PIWIL2: variants seen among roughly 807,000 people sequenced by gnomAD.
The protein encoded by PIWIL2 is piwi like RNA-mediated gene silencing 2.
A neutral mutation model predicts 116.5 loss-of-function variants in PIWIL2; 81 were observed. That is an observed-to-expected ratio of 0.70 (90% CI 0.58 to 0.84). The LOEUF (loss-of-function observed/expected upper bound fraction) is 0.84, where lower values mean the gene tolerates loss of function less well. Ranked by LOEUF, PIWIL2 falls within the 40% of genes least tolerant of loss-of-function variation. The pLI is 0.00. For missense variants in PIWIL2, 1,272 were observed against 1,212.3 expected, an observed-to-expected ratio of 1.05 and a Z score of -0.73; for synonymous variants, 489 against 429.5, an observed-to-expected ratio of 1.14 and a Z score of -1.71.
intron 10 of PIWIL2, among the ~76,000 whole-genome samples, chr8:22,295,764 T>G (rs1830884404): frequency 6.6e-6 from 1 of 152,070 alleles, no homozygotes. Flanking sequence ...GAGCTCGGTG[T>G]TTAAAAATGT....
chr8:22,311,293 G>A lies in PIWIL2; in HGVS notation c.1982G>A (p.Gly661Glu). 1 of 1,598,242 alleles carries A rather than the reference G, an allele frequency of 6.3e-7. No individual in the cohort carries two copies. The highest frequency in any genetic ancestry group is 1.1e-5 in the South Asian group (1 of 87,736). ...TYVRTIQSTL[G>E]AEGKIQMVVC... ...GTCAGAACCATTCAATCCACGTTAGGAGCTGAGGTAAAAATGTAATTCAAA... is the reference window on the plus strand; with the variant it reads ...GTCAGAACCATTCAATCCACGTTAGAAGCTGAGGTAAAAATGTAATTCAAA... Residue 661 changes from glycine to glutamate, a missense_variant, in exon 16 of 23, where the codon GGA (glycine) becomes GAA (glutamate). By Grantham distance (98) the Gly-to-Glu change is moderately conservative. Transcript: ENST00000356766.
At chr8:22,296,020 CTTTTTTTTTTT>C (rs67357452) in intron 10 of PIWIL2, among the ~76,000 whole-genome samples, 2 of 102,832 alleles carry the variant, frequency 1.9e-5, no homozygotes, top group Non-Finnish European at 4.1e-5. Flanking sequence ...CTCTTCCCTT[CTTTTTTTTTTT>C]TTTTTTTTTT....
Position 22,351,539 on chromosome 8 carries a change from T to TTG in PIWIL2, c.2404-1419_2404-1418insGT, listed in dbSNP as rs1563435789. Among the ~76,000 whole-genome samples, 370 of 143,848 alleles carry TTG rather than the reference T, an allele frequency of 2.6e-3. 1 individual carries two copies. The highest frequency in any genetic ancestry group is 9.0e-3 in the African/African-American group (354 of 39,518). The allele number at this position is 143,848 out of a possible 152,430, so 94.4% of individuals were successfully genotyped here. On this transcript the variant is annotated intron_variant, in intron 20 of 22. Transcript: ENST00000356766. ...GTTTTTTTGGTGTTTTTTTTTTGTT[T>TTG]TTTTGTTTTTTGTTTTGAGACGGAG...
chr8:22,279,273 C>G (rs1309487315), intron 1 of PIWIL2, 68 bp from the exon 2 acceptor site: 17 of 813,542 alleles, frequency 2.1e-5, no homozygotes, highest in Non-Finnish European at 3.2e-5. Flanking sequence ...TATTTTAATG[C>G]TTTGTGAGTG....
At chr8:22,296,313 G>A (rs1457421668) in intron 10 of PIWIL2, among the ~76,000 whole-genome samples, 1 of 151,972 alleles carries the variant, frequency 6.6e-6, no homozygotes, top group African/African-American at 2.4e-5. Context: ...CCAAAGTGCT[G>A]GGATTACAGG....
Position 22,281,460 on chromosome 8 carries a change from A to G in PIWIL2, c.370A>G (p.Lys124Glu), listed in dbSNP as rs1487747980. ...ACTCTCTCCCACTTTTTGGGATCCA[A>G]AAGTGTTGGCGGCTGGGGACAGCAA... ...EELSPTFWDP[K>E]VLAAGDSKMA... The change falls in exon 4 of 23, where the codon AAA becomes GAA. Residue 124 changes from lysine to glutamate, a missense_variant. Physicochemically the swap from Lys to Glu is moderately conservative, Grantham distance 56. Coordinates refer to ENST00000356766, the MANE Select transcript of PIWIL2 (RefSeq NM_018068.5). 1.2e-6 allele frequency: 2 copies of G among 1,604,450 alleles called. No homozygotes were observed. The highest frequency in any genetic ancestry group is 1.3e-5 in the African/African-American group (1 of 74,080).
chr8:22,341,977 TAAAAAAAA>T (rs530423710), intron 20 of PIWIL2, among the ~76,000 whole-genome samples: 1 of 121,576 alleles, frequency 8.2e-6, no homozygotes, highest in African/African-American at 3.0e-5. Context: ...TCTATTGCTG[TAAAAAAAA>T]AAAAAAAAAA....
At chr8:22,305,595 C>T (rs569318150) in intron 12 of PIWIL2, among the ~76,000 whole-genome samples, 1 of 152,240 alleles carries the variant, frequency 6.6e-6, no homozygotes, top group East Asian at 1.9e-4. Flanking sequence ...TACAGTGAGA[C>T]TGAGGCACAC....
intron 15 of PIWIL2, 69 bp downstream of exon 15, chr8:22,310,143 AT>A: frequency 1.2e-6 from 1 of 842,010 alleles, no homozygotes; most frequent in South Asian, 1.4e-5. Context: ...GGAAGCAGGA[AT>A]GATCTAGAGT....
intron 22 of PIWIL2, among the ~76,000 whole-genome samples, chr8:22,355,080 C>A (rs1392178422): frequency 4.8e-4 from 70 of 145,258 alleles, no homozygotes; most frequent in South Asian, 8.7e-4. Flanking sequence ...AAAAAAAAAA[C>A]AAAACAAAAA....
intron 8 of PIWIL2, 76 bp from the exon 9 acceptor site, chr8:22,289,771 C>CAAAT (rs991604776): frequency 1.1e-6 from 1 of 877,528 alleles, no homozygotes; most frequent in African/African-American, 1.7e-5. Flanking sequence ...CTTCCAAAGG[C>CAAAT]AAATGTAGCT....
intron 20 of PIWIL2, among the ~76,000 whole-genome samples, chr8:22,323,825 G>A (rs1349399710): frequency 6.6e-6 from 1 of 152,166 alleles, no homozygotes; most frequent in Non-Finnish European, 1.5e-5. Flanking sequence ...ACTTAGGTTT[G>A]CAGGCTTCCA....
intron 20 of PIWIL2, among the ~76,000 whole-genome samples, chr8:22,318,776 TAA>T (rs1281332902): frequency 2.0e-5 from 3 of 152,226 alleles, no homozygotes; most frequent in Non-Finnish European, 4.4e-5. Context: ...CAGATCAGCT[TAA>T]AGAGCTAAAT....
At chr8:22,341,592 T>A (rs1190029663) in intron 20 of PIWIL2, among the ~76,000 whole-genome samples, 1 of 106,618 alleles carries the variant, frequency 9.4e-6, no homozygotes, top group African/African-American at 2.9e-5. Flanking sequence ...CGAAACTCCG[T>A]CTCAAAAAAA....
At chr8:22,313,962 G>A (rs1831393442) in intron 16 of PIWIL2, among the ~76,000 whole-genome samples, 1 of 152,176 alleles carries the variant, frequency 6.6e-6, no homozygotes, top group African/African-American at 2.4e-5. Context: ...GTAAACCAAA[G>A]AGAGTAGTAA....
chr8:22,295,472 A>G (rs79534819), intron 10 of PIWIL2, among the ~76,000 whole-genome samples: 1,572 of 152,308 alleles, frequency 0.01, 36 homozygotes, highest in Admixed American at 0.046. Flanking sequence ...CCTCCCGTCC[A>G]AATACCACAT....
rs1179425883 is a variant in PIWIL2, at chr8:22,355,752, A to C, written c.*247A>C. Reference sequence around the variant, plus strand: ...AGTTACGGTGGTACTGCCACTCTGCAGGTGGAGCGGGTGACTCTGGGGGAC... The same window carrying C: ...AGTTACGGTGGTACTGCCACTCTGCCGGTGGAGCGGGTGACTCTGGGGGAC... On this transcript the variant is annotated 3_prime_UTR_variant, in exon 23 of 23. Coordinates refer to ENST00000356766, the MANE Select transcript of PIWIL2 (RefSeq NM_018068.5). 2.1e-6 allele frequency: 1 copy of C among 480,580 alleles called. No individual in the cohort carries two copies. Among genetic ancestry groups the C allele is most frequent in the Non-Finnish European group, 3.8e-6 (1 of 264,124 alleles). 29.8% of individuals were successfully genotyped at this position (480,580 alleles called of 1,614,324 possible).
At chr8:22,276,536 G>A (rs965623905) in intron 1 of PIWIL2, among the ~76,000 whole-genome samples, 4 of 152,022 alleles carry the variant, frequency 2.6e-5, no homozygotes, top group Non-Finnish European at 4.4e-5. Flanking sequence ...GGCTGGTCTC[G>A]AACCCCTGAC....
At chr8:22,318,054 C>T (rs4242432) in intron 19 of PIWIL2, 116 bp from the exon 20 acceptor site, 341,729 of 615,012 alleles carry the variant, frequency 0.56, 99,515 homozygotes, top group East Asian at 0.82. Context: ...TTTCTAGGTA[C>T]TTGTTTTTGG....
Sources: gnomAD v4.1 joint callset for allele counts (sites outside exome capture counted in the v4.1 genomes callset) on GRCh38, gnomAD v4.1.1 for gene constraint, MANE v1.5 for transcripts, NCBI Gene and HGNC (gene_info 2026-07-23, HGNC 2026-07-21) for gene names.